The following SLC35H1 variants were observed in gnomAD, a reference collection of about 807,000 sequenced individuals.
SLC35H1 encodes ovarian cancer-overexpressed gene 1 protein.
At chr20:46,352,437 C>T in the SLC35H1 span, 1 of 560,328 alleles carries the variant, frequency 1.8e-6, no homozygotes, top group Non-Finnish European at 3.2e-6. Context: ...GTGATGGCTG[C>T]CAGAGCGCCT....
the SLC35H1 span, chr20:46,352,751 A>T: frequency 1.4e-5 from 2 of 145,212 alleles, no homozygotes; most frequent in African/African-American, 5.4e-5. Flanking sequence ...GGGATGAAGG[A>T]GATCCTAGCG....
chr20:46,349,993 G>A, the SLC35H1 span: 1 of 156,948 alleles, frequency 6.4e-6, no homozygotes, highest in African/African-American at 2.4e-5. Context: ...CCTGCTCTCT[G>A]AGAAAAGACA....
chr20:46,349,265 T>C, the SLC35H1 span: 3 of 152,246 alleles, frequency 2.0e-5, no homozygotes, highest in Non-Finnish European at 4.4e-5. Context: ...GTAGACTCAG[T>C]CCACAGCACA....
At chr20:46,359,558 CA>C in the SLC35H1 span, among the ~76,000 whole-genome samples, 3 of 152,184 alleles carry the variant, frequency 2.0e-5, no homozygotes, top group East Asian at 5.8e-4. Flanking sequence ...ACGGCTGGAA[CA>C]CTGTAAGACC....
At chr20:46,350,650 T>C in the SLC35H1 span, 6 of 1,346,566 alleles carry the variant, frequency 4.5e-6, no homozygotes, top group Non-Finnish European at 6.0e-6. Context: ...CACATCTTCC[T>C]AGAGGAGTGA....
the SLC35H1 span, chr20:46,364,008 C>T: frequency 6.6e-6 from 1 of 152,372 alleles, no homozygotes; most frequent in Non-Finnish European, 1.5e-5. Flanking sequence ...CCTCGTGGCA[C>T]TCCCACCTCT....
At chr20:46,353,368 T>C in the SLC35H1 span, among the ~76,000 whole-genome samples, 1 of 152,196 alleles carries the variant, frequency 6.6e-6, no homozygotes, top group Admixed American at 6.5e-5. Context: ...CCTCCAACAC[T>C]GTCCATCTGG....
the SLC35H1 span, among the ~76,000 whole-genome samples, chr20:46,363,718 G>A: frequency 6.6e-6 from 1 of 151,816 alleles, no homozygotes; most frequent in Non-Finnish European, 1.5e-5. Context: ...TTCCTCTTTC[G>A]CCCCTAAGGC....
At chr20:46,347,767 C>T in the SLC35H1 span, 1 of 152,290 alleles carries the variant, frequency 6.6e-6, no homozygotes, top group Non-Finnish European at 1.5e-5. Flanking sequence ...CGGGCCCTGC[C>T]TGATGGCTCA....
the SLC35H1 span, chr20:46,355,097 T>G: frequency 1.7e-5 from 27 of 1,613,918 alleles, no homozygotes; most frequent in African/African-American, 3.3e-4. This position sits in a 1 kb window ranked among gnomAD's most constrained non-coding sequence, Gnocchi z 4.8. Context: ...TGCAGGAGCA[T>G]CTGGGTGAGG....
the SLC35H1 span, chr20:46,356,666 G>C: frequency 6.2e-7 from 1 of 1,607,256 alleles, no homozygotes; most frequent in Non-Finnish European, 8.5e-7. Context: ...CCACAGGACA[G>C]CTTGGGAGGT....
chr20:46,350,420 A>ACTC, the SLC35H1 span: 84 of 1,612,320 alleles, frequency 5.2e-5, no homozygotes, highest in South Asian at 9.0e-4. Flanking sequence ...GCCACAAAGT[A>ACTC]CTCCTCCTCC....
At chr20:46,356,515 G>A in the SLC35H1 span, 82 of 1,578,266 alleles carry the variant, frequency 5.2e-5, 1 homozygote, top group African/African-American at 6.7e-5. Flanking sequence ...CAGACACCCC[G>A]CTGGACAGAC....
the SLC35H1 span, among the ~76,000 whole-genome samples, chr20:46,362,819 T>G: frequency 6.6e-6 from 1 of 152,188 alleles, no homozygotes; most frequent in African/African-American, 2.4e-5. Context: ...AAGGCTGGAG[T>G]GCAATGGCGT....
the SLC35H1 span, chr20:46,357,475 G>A: frequency 1.6e-5 from 15 of 950,486 alleles, no homozygotes; most frequent in Non-Finnish European, 2.0e-5. Context: ...CGTGGGTGGT[G>A]GGAGGCCAGG....
At chr20:46,347,937 CCT>C in the SLC35H1 span, 1 of 152,240 alleles carries the variant, frequency 6.6e-6, no homozygotes, top group Non-Finnish European at 1.5e-5. Context: ...GCAGGTCAGT[CCT>C]CTCTCCGCCC....
At chr20:46,351,208 C>G in the SLC35H1 span, among the ~76,000 whole-genome samples, 1 of 152,208 alleles carries the variant, frequency 6.6e-6, no homozygotes, top group Non-Finnish European at 1.5e-5. Context: ...GGACGGCTGC[C>G]CCAGAAGGCA....
At chr20:46,354,617 T>C in the SLC35H1 span, among the ~76,000 whole-genome samples, 2 of 152,234 alleles carry the variant, frequency 1.3e-5, no homozygotes, top group African/African-American at 4.8e-5. Context: ...TTTGGAAGGA[T>C]GAAATGAGTT....
the SLC35H1 span, chr20:46,357,639 T>C: frequency 6.2e-7 from 1 of 1,613,834 alleles, no homozygotes; most frequent in Non-Finnish European, 8.5e-7. Flanking sequence ...GAGCCACTCT[T>C]CTGAGGTAGT....
Sources: gnomAD v4.1 joint callset for allele counts (sites outside exome capture counted in the v4.1 genomes callset) on GRCh38, gnomAD v4.1.1 for gene constraint, Gnocchi (gnomAD v3.1) non-coding constraint, MANE v1.5 for transcripts, NCBI Gene and HGNC (gene_info 2026-07-23, HGNC 2026-07-21) for gene names.